Variants in FYN observed in about 807,000 individuals in gnomAD.
The protein encoded by FYN is FYN proto-oncogene, Src family tyrosine kinase.
A neutral mutation model predicts 70.2 loss-of-function variants in FYN; 10 were observed. The ratio of observed to expected loss-of-function variants is 0.14; its 90% CI spans 0.09 to 0.24. The LOEUF is 0.24. Ranked by LOEUF, FYN falls within the 10% of genes least tolerant of loss-of-function variation. The pLI, the probability that FYN is intolerant of heterozygous loss-of-function variation, is 1.00. For synonymous variants in FYN, 236 were observed against 248.6 expected (o/e 0.95, Z 0.48); for missense variants, 319 against 673.1 (o/e 0.47, Z 5.82).
At chr6:111,751,693 C>T (rs1583406034) in intron 3 of FYN, among the ~76,000 whole-genome samples, 1 of 152,054 alleles carries the variant, frequency 6.6e-6, no homozygotes, top group African/African-American at 2.4e-5. Context: ...ACAATCACAG[C>T]TCCCTGCAGC....
At chr6:111,768,033 T>C (rs148081126) in intron 3 of FYN, among the ~76,000 whole-genome samples, 1 of 152,364 alleles carries the variant, frequency 6.6e-6, no homozygotes, top group African/African-American at 2.4e-5. Flanking sequence ...GTGGCTTTTC[T>C]ATAAAATTTT....
At chr6:111,710,310 A>AC (rs2128453320) in intron 5 of FYN, among the ~76,000 whole-genome samples, 1 of 152,366 alleles carries the variant, frequency 6.6e-6, no homozygotes, top group South Asian at 2.1e-4. Flanking sequence ...GGAAGCCAAT[A>AC]CATTTTGCTG....
At chr6:111,755,884 A>C (rs563097645) in intron 3 of FYN, among the ~76,000 whole-genome samples, 15 of 152,322 alleles carry the variant, frequency 9.8e-5, no homozygotes, top group African/African-American at 3.6e-4. Context: ...TTTTATTTAG[A>C]ATAAAATACT....
At chr6:111,731,790 T>C (rs1378421589) in intron 3 of FYN, among the ~76,000 whole-genome samples, 1 of 152,180 alleles carries the variant, frequency 6.6e-6, no homozygotes, top group Non-Finnish European at 1.5e-5. Flanking sequence ...CTACACTTTA[T>C]TGCCTGAAGG....
At chr6:111,809,790 A>G (rs1772266496) in intron 2 of FYN, among the ~76,000 whole-genome samples, 1 of 152,164 alleles carries the variant, frequency 6.6e-6, no homozygotes, top group Non-Finnish European at 1.5e-5. Context: ...GGTCATATAA[A>G]TTTCTTTTAA....
At chr6:111,746,272 C>T (rs899277614) in intron 3 of FYN, among the ~76,000 whole-genome samples, 2 of 152,064 alleles carry the variant, frequency 1.3e-5, no homozygotes, top group African/African-American at 4.8e-5. Context: ...AATCTAAACC[C>T]CCATCAAGAT....
intron 13 of FYN, among the ~76,000 whole-genome samples, chr6:111,663,926 C>T (rs185653484): frequency 6.6e-5 from 10 of 152,276 alleles, no homozygotes; most frequent in Admixed American, 3.9e-4. Context: ...CGGACAGAGG[C>T]CAGCATTTCC....
intron 2 of FYN, among the ~76,000 whole-genome samples, chr6:111,782,391 G>A (rs1771208681): frequency 6.6e-6 from 1 of 152,122 alleles, no homozygotes; most frequent in Non-Finnish European, 1.5e-5. Flanking sequence ...TGTCCTACAT[G>A]AGCTCAGGTA....
chr6:111,719,291 T>G (rs1030627809), intron 4 of FYN, among the ~76,000 whole-genome samples: 5 of 142,374 alleles, frequency 3.5e-5, no homozygotes, highest in African/African-American at 1.3e-4. Context: ...CCTTGTGGTA[T>G]GAAAGACAAG....
chr6:111,747,362 A>G (rs1166067746), intron 3 of FYN, among the ~76,000 whole-genome samples: 1 of 152,224 alleles, frequency 6.6e-6, no homozygotes, highest in Non-Finnish European at 1.5e-5. Context: ...CAAGTCAAGG[A>G]AAGAAGGGAG....
At chr6:111,704,622 T>TG (rs1286198379) in intron 6 of FYN, among the ~76,000 whole-genome samples, 1 of 151,680 alleles carries the variant, frequency 6.6e-6, no homozygotes, top group Admixed American at 6.6e-5. Flanking sequence ...GGTGTGGTGG[T>TG]GGGCACCTGT....
At chr6:111,681,994 A>AT (rs1158142862) in intron 12 of FYN, among the ~76,000 whole-genome samples, 1 of 152,218 alleles carries the variant, frequency 6.6e-6, no homozygotes, top group Non-Finnish European at 1.5e-5. Flanking sequence ...TAGTTCTTTC[A>AT]TAAGTTATTT....
intron 3 of FYN, among the ~76,000 whole-genome samples, chr6:111,757,080 G>A (rs1376228360): frequency 1.3e-5 from 2 of 152,118 alleles, no homozygotes; most frequent in Non-Finnish European, 2.9e-5. Flanking sequence ...TTTATAGATG[G>A]TATGTCTGTT....
intron 3 of FYN, among the ~76,000 whole-genome samples, chr6:111,736,204 C>T (rs1057273816): frequency 6.6e-6 from 1 of 152,202 alleles, no homozygotes; most frequent in Non-Finnish European, 1.5e-5. Context: ...CCACTGTTCT[C>T]CTCCAGCTGT....
intron 12 of FYN, among the ~76,000 whole-genome samples, chr6:111,683,716 G>C (rs1798869581): frequency 2.0e-5 from 2 of 98,684 alleles, no homozygotes; most frequent in South Asian, 5.4e-4. Context: ...AAGTTACTCT[G>C]GGTAATAAAA....
intron 2 of FYN, among the ~76,000 whole-genome samples, chr6:111,783,486 T>C (rs1771251803): frequency 6.6e-6 from 1 of 152,250 alleles, no homozygotes; most frequent in African/African-American, 2.4e-5. Context: ...TAAAAATAGC[T>C]GAATGATAAC....
intron 2 of FYN, among the ~76,000 whole-genome samples, chr6:111,841,094 C>A (rs1583486181): frequency 6.6e-6 from 1 of 152,172 alleles, no homozygotes; most frequent in South Asian, 2.1e-4. Context: ...GAAGAATATA[C>A]GAAATGATCC....
intron 2 of FYN, among the ~76,000 whole-genome samples, chr6:111,837,527 T>C (rs1773225601): frequency 6.6e-6 from 1 of 152,276 alleles, no homozygotes; most frequent in South Asian, 2.1e-4. Flanking sequence ...ATGAATCCAC[T>C]CGACGTCAAA....
intron 3 of FYN, among the ~76,000 whole-genome samples, chr6:111,743,445 A>G (rs200125267): frequency 6.6e-6 from 1 of 152,206 alleles, no homozygotes; most frequent in East Asian, 1.9e-4. Context: ...AAAATGAAAT[A>G]CTTTGAGTAA....
Sources: allele counts gnomAD v4.1 joint callset (sites outside exome capture counted in the v4.1 genomes callset), GRCh38; gene constraint gnomAD v4.1.1; transcripts MANE v1.5; gene names NCBI Gene and HGNC (gene_info 2026-07-23, HGNC 2026-07-21).